TCF3: variants seen among roughly 807,000 people sequenced by gnomAD.
TCF3 encodes transcription factor 3.
A neutral mutation model predicts 72.3 loss-of-function variants in TCF3; 54 were observed. That is an observed-to-expected ratio of 0.75 (90% CI 0.60 to 0.94). The LOEUF is 0.94. TCF3 is among the 40% of genes least tolerant of loss of function. The pLI, the probability that TCF3 is intolerant of heterozygous loss-of-function variation, is 0.00. For missense variants in TCF3, 1,078 were observed against 934.4 expected, an observed-to-expected ratio of 1.15 and a Z score of -2.00; for synonymous variants, 525 against 412.6, an observed-to-expected ratio of 1.27 and a Z score of -3.30.
chr19:1,626,184 C>T (rs1298779874), intron 6 of TCF3, among the ~76,000 whole-genome samples: 1 of 152,190 alleles, frequency 6.6e-6, no homozygotes, highest in South Asian at 2.1e-4. Flanking sequence ...GGCACGGTGG[C>T]TCACACCTAT....
chr19:1,646,920 G>A (rs1284186680), intron 2 of TCF3, among the ~76,000 whole-genome samples: 1 of 152,244 alleles, frequency 6.6e-6, no homozygotes, highest in Non-Finnish European at 1.5e-5. Flanking sequence ...CACTGGCCCC[G>A]CATGGCAGGC....
intron 3 of TCF3, among the ~76,000 whole-genome samples, chr19:1,640,438 T>C (rs751637229): frequency 6.6e-6 from 1 of 152,022 alleles, no homozygotes; most frequent in Non-Finnish European, 1.5e-5. Flanking sequence ...ACCAGTAAAA[T>C]ACGGTAATAA....
intron 3 of TCF3, among the ~76,000 whole-genome samples, chr19:1,641,828 G>A (rs756235006): frequency 1.7e-4 from 26 of 151,850 alleles, no homozygotes; most frequent in Non-Finnish European, 2.4e-4. Flanking sequence ...CCTGGGCTCC[G>A]GCAATTCTCC....
rs200768791 is a variant in TCF3, at chr19:1,611,708, C to T, written c.1964G>A (p.Ter655=). Residue 655 remains the stop codon, a stop_retained_variant, in exon 19 of 19, where the codon TGA becomes TAA. Transcript: ENST00000262965. ...SEAHNPAGHM[*] is the part of the protein sequence containing the mutation. Reference sequence around the variant, plus strand: ...GCTCGTCCCACGGAGGCATACCTTTCACATGTGCCCGGCGGGGTTGTGGGC... The same window carrying T: ...GCTCGTCCCACGGAGGCATACCTTTTACATGTGCCCGGCGGGGTTGTGGGC... 6 of 1,612,612 alleles carry T rather than the reference C, an allele frequency of 3.7e-6. No homozygotes were observed. The highest frequency in any genetic ancestry group is 4.5e-5 in the East Asian group (2 of 44,844).
intron 18 of TCF3, 86 bp from the exon 19 acceptor site, chr19:1,611,935 G>GA (rs889856463): frequency 9.1e-6 from 2 of 218,952 alleles, no homozygotes; most frequent in African/African-American, 5.8e-5. Flanking sequence ...GATGTCGGGG[G>GA]GGGGGGTGGG....
chr19:1,619,040 CCCA>C lies in TCF3; in HGVS notation c.1450+68_1450+70del, dbSNP rs1401540303. Reference sequence around the variant, plus strand: ...CCTGCCCTGGGCTCCCACCCTGACCCCCACCACTAGAGTGCCTCAGTTTCCCCA... The same window carrying C: ...CCTGCCCTGGGCTCCCACCCTGACCCCCACTAGAGTGCCTCAGTTTCCCCA... On this transcript the variant is annotated intron_variant, in intron 16 of 18. Coordinates refer to ENST00000262965, the MANE Select transcript of TCF3 (RefSeq NM_003200.5). The C allele has an allele frequency of 3.6e-5, 57 of 1,593,690 alleles. No homozygotes were observed. In the Admixed American group the frequency reaches 9.1e-4, roughly 25 times the overall value.
chr19:1,651,786 A>G (rs1409016649), intron 1 of TCF3, among the ~76,000 whole-genome samples: 1 of 151,228 alleles, frequency 6.6e-6, no homozygotes, highest in Non-Finnish European at 1.5e-5. Flanking sequence ...CGCGGAGCAG[A>G]TGTTACCCGC....
intron 3 of TCF3, among the ~76,000 whole-genome samples, chr19:1,643,644 G>T (rs1161607499): frequency 1.3e-5 from 2 of 152,182 alleles, no homozygotes; most frequent in Non-Finnish European, 2.9e-5. Context: ...GCCTCCCAAA[G>T]TGCTGGGATT....
intron 3 of TCF3, among the ~76,000 whole-genome samples, chr19:1,633,720 G>C (rs556706877): frequency 6.6e-6 from 1 of 152,262 alleles, no homozygotes; most frequent in African/African-American, 2.4e-5. Context: ...TGGGGGCCAG[G>C]CAGGGGGCTC....
chr19:1,625,960 G>A (rs887821708), intron 6 of TCF3, among the ~76,000 whole-genome samples: 1 of 152,178 alleles, frequency 6.6e-6, no homozygotes, highest in African/African-American at 2.4e-5. Context: ...CCAACCCAAG[G>A]GGCTGCTCCC....
chr19:1,621,278 C>G, intron 11 of TCF3, 87 bp from the exon 12 acceptor site: 2 of 1,434,168 alleles, frequency 1.4e-6, no homozygotes, highest in East Asian at 5.1e-5. Flanking sequence ...CCGTCCTGCA[C>G]AGACACTGCT....
intron 8 of TCF3, 32 bp from the exon 9 acceptor site, chr19:1,622,447 C>A: frequency 8.7e-7 from 1 of 1,148,998 alleles, no homozygotes. Flanking sequence ...GGGGTGCAGT[C>A]AGGACGGAGG....
chr19:1,621,824 G>T lies in TCF3; in HGVS notation c.955+14C>A, dbSNP rs1485434029. 1.9e-6 allele frequency: 3 copies of T among 1,577,920 alleles called. No individual in the cohort carries two copies. Among genetic ancestry groups the T allele is most frequent in the Non-Finnish European group, 2.6e-6 (3 of 1,163,300 alleles). ...GTCCCCTCGGAGAGGCCGCATCCCA[G>T]GGAGGGGCCATACCCAGGAGGCTGT... On this transcript the variant is annotated intron_variant, in intron 11 of 18. Transcript: ENST00000262965.
intron 3 of TCF3, among the ~76,000 whole-genome samples, chr19:1,640,759 A>C (rs1181713709): frequency 6.6e-6 from 1 of 151,394 alleles, no homozygotes; most frequent in East Asian, 1.9e-4. Flanking sequence ...AGCTGAGATC[A>C]CGCCACTGCA....
intron 3 of TCF3, among the ~76,000 whole-genome samples, chr19:1,633,719 G>A (rs1048594914): frequency 2.6e-5 from 4 of 152,282 alleles, no homozygotes; most frequent in Middle Eastern, 3.4e-3. Flanking sequence ...TTGGGGGCCA[G>A]GCAGGGGGCT....
In TCF3 at chr19:1,611,231, G is replaced by A. The variant is rs564163163; in HGVS notation, c.*476C>T. The A allele has an allele frequency of 6.9e-6, 2 of 290,890 alleles. No homozygotes were observed. The highest frequency in any genetic ancestry group is 2.1e-5 in the African/African-American group (1 of 46,986). The allele number at this position is 290,890 out of a possible 1,614,324, so 18.0% of individuals were successfully genotyped here. A position where few individuals can be genotyped will look rare whatever the true frequency, so the allele number is the denominator to read the frequency against. The stretch of plus-strand genomic sequence containing the variant: ...TTTCGCTTAGGCACAATTTGCTGGT[G>A]GCTTTAGAAGAATAAGCCAGGTTTC... On this transcript the variant is annotated 3_prime_UTR_variant, in exon 19 of 19. Coordinates refer to ENST00000262965, the MANE Select transcript of TCF3 (RefSeq NM_003200.5).
At chr19:1,632,217 C>CA in intron 4 of TCF3, 101 bp from the exon 5 acceptor site, 1 of 1,548,604 alleles carries the variant, frequency 6.5e-7, no homozygotes, top group Non-Finnish European at 8.7e-7. Context: ...CCATGTCCCC[C>CA]AGTCCAAACC....
intron 18 of TCF3, among the ~76,000 whole-genome samples, chr19:1,613,875 A>G (rs1477718371): frequency 6.6e-6 from 1 of 152,226 alleles, no homozygotes; most frequent in Non-Finnish European, 1.5e-5. Flanking sequence ...GAATGGTCGC[A>G]GTAGGAGCTC....
chr19:1,635,880 C>T (rs370457815), intron 3 of TCF3, among the ~76,000 whole-genome samples: 12 of 152,228 alleles, frequency 7.9e-5, no homozygotes, highest in African/African-American at 2.7e-4. Context: ...CAGCTCCTCA[C>T]GCAGGTTCCG....
Sources: gnomAD v4.1 joint callset for allele counts (sites outside exome capture counted in the v4.1 genomes callset) on GRCh38, gnomAD v4.1.1 for gene constraint, MANE v1.5 for transcripts, NCBI Gene and HGNC (gene_info 2026-07-23, HGNC 2026-07-21) for gene names.